The following ARK2C variants were observed in gnomAD, a reference collection of about 807,000 sequenced individuals.
The protein encoded by ARK2C is E3 ubiquitin-protein ligase ARK2C.
the ARK2C span, among the ~76,000 whole-genome samples, chr18:46,394,836 G>C: frequency 3.5e-4 from 53 of 152,180 alleles, no homozygotes; most frequent in Admixed American, 2.3e-3. Flanking sequence ...GAAGGTTGCA[G>C]GTATTTTATT....
the ARK2C span, chr18:46,450,452 T>C: frequency 7.5e-7 from 1 of 1,326,212 alleles, no homozygotes; most frequent in African/African-American, 1.4e-5. Flanking sequence ...CCATTATTGT[T>C]ATCATCCCTT....
At chr18:46,422,842 T>C in the ARK2C span, among the ~76,000 whole-genome samples, 7 of 152,210 alleles carry the variant, frequency 4.6e-5, no homozygotes, top group African/African-American at 1.7e-4. Flanking sequence ...TAAGGAACTT[T>C]GGGAGACAAA....
the ARK2C span, among the ~76,000 whole-genome samples, chr18:46,429,389 T>C: frequency 6.6e-6 from 1 of 152,228 alleles, no homozygotes; most frequent in South Asian, 2.1e-4. Flanking sequence ...CAGTGCGCTT[T>C]TAACTCTTCT....
the ARK2C span, among the ~76,000 whole-genome samples, chr18:46,395,066 G>A: frequency 1.3e-5 from 2 of 152,178 alleles, no homozygotes; most frequent in African/African-American, 2.4e-5. Context: ...CCCTCTCCTC[G>A]CTGGAACTCA....
chr18:46,433,486 A>G, the ARK2C span: 2 of 1,609,440 alleles, frequency 1.2e-6, no homozygotes, highest in African/African-American at 1.3e-5. Flanking sequence ...CCAGCACCGC[A>G]GGCTGGTCTC....
chr18:46,365,412 T>A, the ARK2C span, among the ~76,000 whole-genome samples: 272 of 152,352 alleles, frequency 1.8e-3, no homozygotes, highest in Non-Finnish European at 2.5e-3. Context: ...CAGATGTACC[T>A]ATGTCTTCAC....
chr18:46,382,609 A>C, the ARK2C span, among the ~76,000 whole-genome samples: 1 of 152,178 alleles, frequency 6.6e-6, no homozygotes, highest in African/African-American at 2.4e-5. Flanking sequence ...TTAGCCTTGC[A>C]TGACTTAAGT....
chr18:46,384,619 A>G, the ARK2C span, among the ~76,000 whole-genome samples: 1 of 152,204 alleles, frequency 6.6e-6, no homozygotes, highest in African/African-American at 2.4e-5. Flanking sequence ...TCCCTGGAGA[A>G]GCAGCAAAGC....
the ARK2C span, chr18:46,450,624 C>T: frequency 8.7e-6 from 10 of 1,154,668 alleles, no homozygotes; most frequent in Non-Finnish European, 1.3e-5. Flanking sequence ...CTCATGTCTT[C>T]CAGCTCCCAA....
At chr18:46,459,553 A>C in the ARK2C span, 1 of 151,954 alleles carries the variant, frequency 6.6e-6, no homozygotes, top group Non-Finnish European at 1.5e-5. Flanking sequence ...TGGGGAGGGG[A>C]CCACCAGAGG....
chr18:46,424,441 G>T, the ARK2C span, among the ~76,000 whole-genome samples: 1 of 152,154 alleles, frequency 6.6e-6, no homozygotes, highest in Non-Finnish European at 1.5e-5. Flanking sequence ...TTGGAAGAGG[G>T]ATTTCGAAGG....
the ARK2C span, among the ~76,000 whole-genome samples, chr18:46,359,316 G>T: frequency 6.6e-6 from 1 of 152,152 alleles, no homozygotes; most frequent in African/African-American, 2.4e-5. Context: ...AACGATGAAC[G>T]TGACAAAGGG....
chr18:46,377,316 A>G, the ARK2C span, among the ~76,000 whole-genome samples: 1 of 152,220 alleles, frequency 6.6e-6, no homozygotes, highest in Non-Finnish European at 1.5e-5. Flanking sequence ...CCTTCCTTCA[A>G]CAAGTATTTA....
chr18:46,416,328 T>C, the ARK2C span, among the ~76,000 whole-genome samples: 1 of 152,156 alleles, frequency 6.6e-6, no homozygotes, highest in African/African-American at 2.4e-5. Flanking sequence ...ACCTGGCTCA[T>C]GATAAGGAAG....
chr18:46,381,828 C>CT, the ARK2C span, among the ~76,000 whole-genome samples: 4 of 125,668 alleles, frequency 3.2e-5, no homozygotes, highest in Admixed American at 7.5e-5. Context: ...GAGACCCTGT[C>CT]TCAAAAAAAA....
chr18:46,441,462 TATC>T, the ARK2C span, among the ~76,000 whole-genome samples: 2 of 152,260 alleles, frequency 1.3e-5, no homozygotes, highest in Non-Finnish European at 2.9e-5. Flanking sequence ...AATATTTTCT[TATC>T]ATTTTAACAT....
the ARK2C span, among the ~76,000 whole-genome samples, chr18:46,438,597 T>C: frequency 5.3e-5 from 8 of 152,222 alleles, no homozygotes; most frequent in Non-Finnish European, 1.2e-4. Flanking sequence ...GGCAGTGCAA[T>C]GGATTGAGCC....
the ARK2C span, among the ~76,000 whole-genome samples, chr18:46,425,522 G>A: frequency 6.6e-6 from 1 of 152,190 alleles, no homozygotes; most frequent in South Asian, 2.1e-4. Context: ...CTGGAGTCTT[G>A]AGGATGAAAC....
chr18:46,393,733 G>T, the ARK2C span, among the ~76,000 whole-genome samples: 1 of 152,202 alleles, frequency 6.6e-6, no homozygotes, highest in Non-Finnish European at 1.5e-5. Context: ...TACTCTGCAG[G>T]CCAGTGGGGA....
Sources: gnomAD v4.1 joint callset for allele counts (sites outside exome capture counted in the v4.1 genomes callset) on GRCh38, gnomAD v4.1.1 for gene constraint, MANE v1.5 for transcripts, NCBI Gene and HGNC (gene_info 2026-07-23, HGNC 2026-07-21) for gene names.